Variants in ZNF225 observed in about 807,000 individuals in gnomAD.
The protein encoded by ZNF225 is zinc finger protein 225.
Under a neutral mutation model 12.0 loss-of-function variants are expected in ZNF225, and 6 were observed. The observed-to-expected ratio is 0.50, with a 90% CI of 0.27 to 0.98. The LOEUF (loss-of-function observed/expected upper bound fraction) is 0.98. Among genes scored for constraint, ZNF225 ranks in the 50% least tolerant of loss-of-function variants. The pLI is 0.11. For missense variants in ZNF225, 763 were observed against 848.2 expected, an observed-to-expected ratio of 0.90 and a Z score of 1.25; for synonymous variants, 271 against 283.2, an observed-to-expected ratio of 0.96 and a Z score of 0.43.
At chr19:44,127,038 C>A (rs1314326379) in intron 4 of ZNF225, among the ~76,000 whole-genome samples, 1 of 152,238 alleles carries the variant, frequency 6.6e-6, no homozygotes, top group Non-Finnish European at 1.5e-5. Context: ...ACACCCTCCC[C>A]CAAGTTCTGG....
rs571933733 is a variant in ZNF225, at chr19:44,128,966, G to A, written c.236-1884G>A. Reference sequence around the variant, plus strand: ...CCAATCAGGGCATGACCCCTTAGGCGTTCTTTTCATCCCAGGTGATCTTAC... The same window carrying A: ...CCAATCAGGGCATGACCCCTTAGGCATTCTTTTCATCCCAGGTGATCTTAC... On this transcript the variant is annotated intron_variant, in intron 4 of 4. Transcript: ENST00000262894. 16 of 947,980 alleles carry A rather than the reference G, an allele frequency of 1.7e-5. No individual in the cohort carries two copies. The South Asian group carries it at 2.1e-4, about 13-fold the overall frequency. The allele number at this position is 947,980 out of a possible 1,614,324, so 58.7% of individuals were successfully genotyped here.
At position 44,131,151 on chromosome 19, in the gene ZNF225, T is replaced by G. The variant is rs1454920756; in HGVS notation, c.537T>G (p.Asp179Glu). 2.5e-6 allele frequency: 4 copies of G among 1,614,100 alleles called. No homozygotes were observed. Among genetic ancestry groups the G allele is most frequent in the Non-Finnish European group, 3.4e-6 (4 of 1,180,044 alleles). Residue 179 changes from aspartate (D) to glutamate (E), a missense_variant, in exon 5 of 5, where the codon GAT becomes GAG. Coordinates refer to ENST00000262894, the MANE Select transcript of ZNF225 (RefSeq NM_013362.4). ...CAAGAGAGAAGTCTCATACATGTGA[T>G]GAATGTGGAAAGAGTTTCTGTTATA... ...LQSREKSHTC[D>E]ECGKSFCYSS...
rs760298353 is a variant in ZNF225, at chr19:44,132,315, T to G, written c.1701T>G (p.Pro567=). The G allele has an allele frequency of 2.0e-5, 33 of 1,610,714 alleles. 1 individual carries two copies. In the Admixed American group the frequency reaches 5.5e-4, roughly 27 times the overall value. The change falls in exon 5 of 5, where the codon CCT becomes CCG. Residue 567 remains proline (P), a synonymous_variant. Coordinates refer to ENST00000262894, the MANE Select transcript of ZNF225 (RefSeq NM_013362.4). The part of the protein sequence containing the change: ...MHQRVHTGER[P]YNCKECGKSF... ...AGAGGGTCCACACCGGAGAGAGACC[T>G]TATAATTGTAAAGAATGTGGGAAGA...
intron 4 of ZNF225, among the ~76,000 whole-genome samples, chr19:44,127,870 G>A (rs569077494): frequency 2.0e-5 from 3 of 152,186 alleles, no homozygotes; most frequent in South Asian, 4.2e-4. Flanking sequence ...TCAAATACCT[G>A]ACTTCAGGTG....
chr19:44,127,942 C>CA (rs920915697), intron 4 of ZNF225, among the ~76,000 whole-genome samples: 44 of 151,572 alleles, frequency 2.9e-4, no homozygotes, highest in Non-Finnish European at 4.9e-4. Flanking sequence ...CACTCCTAGC[C>CA]AAAAAAAACC....
rs1178801912 is a variant in ZNF225, at chr19:44,131,595, G to C, written c.981G>C (p.Leu327=). The change falls in exon 5 of 5, where the codon CTG becomes CTC. Residue 327 remains leucine, a synonymous_variant. Transcript: ENST00000262894. ...RCDTCGKSFG[L]KSALNSHRMV... ...ATACATGTGGTAAGAGCTTTGGTCT[G>C]AAATCAGCACTTAATAGTCATCGCA... is the stretch of plus-strand genomic sequence containing the variant. 7 of 1,614,070 alleles carry C rather than the reference G, an allele frequency of 4.3e-6. No homozygotes were observed. Among genetic ancestry groups the C allele is most frequent in the African/African-American group, 1.3e-5 (1 of 74,926 alleles).
chr19:44,115,633 T>G (rs1967927773), intron 1 of ZNF225, 127 bp from the exon 2 acceptor site: 1 of 505,754 alleles, frequency 2.0e-6, no homozygotes, highest in Non-Finnish European at 3.5e-6. Context: ...TGTGCAGTTT[T>G]GGGTTACTAT....
intron 1 of ZNF225, among the ~76,000 whole-genome samples, chr19:44,115,115 T>C (rs1412295981): frequency 6.6e-6 from 1 of 152,184 alleles, no homozygotes; most frequent in Non-Finnish European, 1.5e-5. Context: ...ACTATAAATA[T>C]TCTATCAGTG....
chr19:44,132,500 G>A lies in ZNF225; in HGVS notation c.1886G>A (p.Cys629Tyr). The A allele has an allele frequency of 1.2e-6, 2 of 1,614,186 alleles. No homozygotes were observed. Among genetic ancestry groups the A allele is most frequent in the Non-Finnish European group, 1.7e-6 (2 of 1,180,022 alleles). The part of the protein sequence containing the change: ...TGEKPYKCEK[C>Y]GKSFRWASTH... Reference sequence around the variant, plus strand: ...GAAAAGCCATACAAATGTGAGAAGTGTGGAAAGAGCTTCAGATGGGCCTCA... The same window carrying A: ...GAAAAGCCATACAAATGTGAGAAGTATGGAAAGAGCTTCAGATGGGCCTCA... The change falls in exon 5 of 5, where the codon TGT becomes TAT. Residue 629 changes from cysteine (C) to tyrosine (Y), a missense_variant. Coordinates refer to ENST00000262894, the MANE Select transcript of ZNF225 (RefSeq NM_013362.4).
intron 4 of ZNF225, among the ~76,000 whole-genome samples, chr19:44,123,427 C>T (rs564704192): frequency 1.3e-5 from 2 of 152,264 alleles, no homozygotes; most frequent in African/African-American, 4.8e-5. Flanking sequence ...CATCAATGTT[C>T]ATCAAGGATA....
At position 44,118,301 on chromosome 19, in the gene ZNF225, C is replaced by A; in HGVS notation, c.129C>A (p.Asn43Lys). ...YREVMLENFR[N>K]LLSVGHQSLH... is the part of the protein sequence containing the mutation. ...AAGTGATGCTGGAGAACTTCAGGAA[C>A]CTGCTCTCAGTGGGTGAGGACAGGC... Residue 43 changes from asparagine to lysine, a missense_variant, in exon 3 of 5, where the codon AAC (asparagine) becomes AAA (lysine). Transcript: ENST00000262894. 1 of 1,612,928 alleles carries A rather than the reference C, an allele frequency of 6.2e-7. No individual in the cohort carries two copies. Among genetic ancestry groups the A allele is most frequent in the South Asian group, 1.1e-5 (1 of 91,024 alleles).
chr19:44,119,727 T>C (rs1423139244), intron 4 of ZNF225, among the ~76,000 whole-genome samples: 2 of 152,358 alleles, frequency 1.3e-5, no homozygotes, highest in African/African-American at 4.8e-5. Flanking sequence ...AACATGTTCA[T>C]AGGTCTTGGG....
intron 4 of ZNF225, among the ~76,000 whole-genome samples, chr19:44,120,315 A>G (rs1247336272): frequency 6.6e-6 from 1 of 152,182 alleles, no homozygotes; most frequent in Non-Finnish European, 1.5e-5. Flanking sequence ...ACCCCCAGGA[A>G]TGTGATGTCT....
chr19:44,124,702 T>C (rs1460864561), intron 4 of ZNF225, among the ~76,000 whole-genome samples: 1 of 152,230 alleles, frequency 6.6e-6, no homozygotes, highest in African/African-American at 2.4e-5. Context: ...GTTCCAGTGT[T>C]AGGTGCATAT....
intron 2 of ZNF225, among the ~76,000 whole-genome samples, chr19:44,116,342 G>A (rs775823397): frequency 6.6e-6 from 1 of 152,166 alleles, no homozygotes; most frequent in East Asian, 1.9e-4. Context: ...GTGCCAACAC[G>A]AGAGCCAGCG....
chr19:44,125,438 C>T (rs1334267653), intron 4 of ZNF225, among the ~76,000 whole-genome samples: 1 of 152,174 alleles, frequency 6.6e-6, no homozygotes, highest in African/African-American at 2.4e-5. Flanking sequence ...TATAGGTTAC[C>T]TGGTGCTTCT....
chr19:44,123,225 C>G lies in ZNF225; in HGVS notation c.235+4651C>G, dbSNP rs554882298. Among the ~76,000 whole-genome samples, 76 of 152,218 alleles carry G rather than the reference C, an allele frequency of 5.0e-4. No homozygotes were observed. The South Asian group carries it at 8.9e-3, about 18-fold the overall frequency. On this transcript the variant is annotated intron_variant, in intron 4 of 4. Transcript: ENST00000262894. ...AAGCGTTGCTGGATTTTGTCAGATG[C>G]TTTTTCTACATCTATTGAGATGATC... is the stretch of plus-strand genomic sequence containing the variant.
At chr19:44,124,039 CCTTT>C (rs2147563782) in intron 4 of ZNF225, among the ~76,000 whole-genome samples, 1 of 151,534 alleles carries the variant, frequency 6.6e-6, no homozygotes, top group South Asian at 2.1e-4. Context: ...TTGGTTCTTT[CCTTT>C]CTTCTGCTGG....
intron 4 of ZNF225, chr19:44,129,370 G>A (rs1968201873): frequency 3.9e-6 from 1 of 254,222 alleles, no homozygotes; most frequent in Non-Finnish European, 7.4e-6. Context: ...GGGGAAAGAT[G>A]CATATTACAA....
Sources: gnomAD v4.1 joint callset for allele counts (sites outside exome capture counted in the v4.1 genomes callset) on GRCh38, gnomAD v4.1.1 for gene constraint, MANE v1.5 for transcripts, NCBI Gene and HGNC (gene_info 2026-07-23, HGNC 2026-07-21) for gene names.